The following SIM1 variants were observed in gnomAD, a reference collection of about 807,000 sequenced individuals.
SIM1 encodes single-minded homolog 1.
Under a neutral mutation model 78.2 loss-of-function variants are expected in SIM1, and 18 were observed. The ratio of observed to expected loss-of-function variants is 0.23; its 90% CI spans 0.16 to 0.34. The LOEUF is 0.34. Among genes scored for constraint, SIM1 ranks in the 10% least tolerant of loss-of-function variants. The probability of loss-of-function intolerance (pLI) is 1.00; values close to 1 mark genes in which losing one functional copy is unlikely to be tolerated. For synonymous variants in SIM1, 417 were observed against 385.2 expected, an observed-to-expected ratio of 1.08 and a Z score of -0.97; for missense variants, 939 against 975.1, an observed-to-expected ratio of 0.96 and a Z score of 0.49.
intron 10 of SIM1, among the ~76,000 whole-genome samples, chr6:100,411,221 C>T (rs1327407229): frequency 6.6e-6 from 1 of 152,134 alleles, no homozygotes; most frequent in African/African-American, 2.4e-5. Context: ...CACTCAACTG[C>T]CGATGCAATT....
chr6:100,412,599 GAAAGAAAGA>G (rs1771235160), intron 10 of SIM1, among the ~76,000 whole-genome samples: 5 of 86,490 alleles, frequency 5.8e-5, no homozygotes, highest in Admixed American at 1.3e-4. Flanking sequence ...AAGAAAGAAA[GAAAGAAAGA>G]AAGGAAAGAA....
chr6:100,390,464 C>A lies in SIM1; in HGVS notation c.2198G>T (p.Gly733Val), dbSNP rs769560821. 3.3e-5 allele frequency: 54 copies of A among 1,614,004 alleles called. No individual in the cohort carries two copies. The highest frequency in any genetic ancestry group is 3.3e-4 in the Middle Eastern group (2 of 6,084). The change falls in exon 12 of 12, where the codon GGC becomes GTC. Residue 733 changes from glycine (G) to valine (V), a missense_variant. By Grantham distance (109) the Gly-to-Val change is moderately radical. Coordinates refer to ENST00000369208, the MANE Select transcript of SIM1 (RefSeq NM_005068.3). ...DSETIRNYSL[G>V]CNGSHFDVTS... The stretch of plus-strand genomic sequence containing the variant: ...TACATCAAAGTGTGAGCCATTACAG[C>A]CCAAGGAATAGTTTCTAATGGTTTC...
chr6:100,447,073 G>C (rs557171679), intron 9 of SIM1, among the ~76,000 whole-genome samples, 195 bp downstream of exon 9: 128 of 152,320 alleles, frequency 8.4e-4, no homozygotes, highest in African/African-American at 2.8e-3. Context: ...TCTTTCTCTA[G>C]AATATAACGA....
At chr6:100,411,350 T>C (rs1432687284) in intron 10 of SIM1, among the ~76,000 whole-genome samples, 1 of 152,230 alleles carries the variant, frequency 6.6e-6, no homozygotes, top group African/African-American at 2.4e-5. Flanking sequence ...CTGGAAACCC[T>C]GGAGTATGAG....
intron 10 of SIM1, among the ~76,000 whole-genome samples, chr6:100,416,976 T>C (rs909484917): frequency 7.3e-6 from 1 of 136,632 alleles, no homozygotes; most frequent in African/African-American, 2.5e-5. Flanking sequence ...CTTTACTAGT[T>C]CTCAAAAAAA....
intron 10 of SIM1, among the ~76,000 whole-genome samples, chr6:100,417,753 C>G (rs1562242167): frequency 6.6e-6 from 1 of 152,154 alleles, no homozygotes; most frequent in South Asian, 2.1e-4. Flanking sequence ...CTGTCTATAC[C>G]ACCCAGGATA....
intron 10 of SIM1, among the ~76,000 whole-genome samples, chr6:100,415,627 T>TGC (rs1771378236): frequency 3.9e-5 from 6 of 152,252 alleles, no homozygotes; most frequent in African/African-American, 1.4e-4. Flanking sequence ...CCTAAGGGTA[T>TGC]CTCATAGCAG....
rs184612627 is a variant in SIM1 at position 100,412,541 on chromosome 6, A to G, written c.1167+8249T>C. Among the ~76,000 whole-genome samples the G allele has an allele frequency of 5.8e-3, 486 of 84,266 alleles. 9 individuals carry two copies. Among genetic ancestry groups the G allele is most frequent in the African/African-American group, 0.021 (467 of 22,678 alleles). The allele number at this position is 84,266 out of a possible 152,430, so 55.3% of individuals were successfully genotyped here. A position where few individuals can be genotyped will look rare whatever the true frequency, so the allele number is the denominator to read the frequency against. On this transcript the variant is annotated intron_variant, in intron 10 of 11. Transcript: ENST00000369208. Reference sequence around the variant, plus strand: ...GACAGAGCAAGACTCTGTCTAAGAAAGAAAGAAAGAAAGAAAAGAAAGAAA... The same window carrying G: ...GACAGAGCAAGACTCTGTCTAAGAAGGAAAGAAAGAAAGAAAAGAAAGAAA...
intron 10 of SIM1, among the ~76,000 whole-genome samples, chr6:100,407,291 G>C (rs941688148): frequency 6.6e-6 from 1 of 152,110 alleles, no homozygotes; most frequent in African/African-American, 2.4e-5. Flanking sequence ...GCAAATGGCA[G>C]AATTTCCTTC....
intron 9 of SIM1, among the ~76,000 whole-genome samples, chr6:100,436,472 C>T (rs982653842): frequency 6.6e-6 from 1 of 152,184 alleles, no homozygotes; most frequent in Non-Finnish European, 1.5e-5. Flanking sequence ...CTCATGCTTT[C>T]CCTCCATTGG....
At chr6:100,428,762 A>G (rs534493133) in intron 9 of SIM1, among the ~76,000 whole-genome samples, 4 of 152,146 alleles carry the variant, frequency 2.6e-5, no homozygotes, top group Non-Finnish European at 5.9e-5. Context: ...AAATGTATGT[A>G]TAGGAAAACA....
chr6:100,462,962 A>G (rs572872830), intron 2 of SIM1: 18 of 218,000 alleles, frequency 8.3e-5, no homozygotes, highest in African/African-American at 2.0e-4. Context: ...TAACAAGAGG[A>G]GTAAAAAAGA....
chr6:100,387,132 G>A lies in SIM1; in HGVS notation c.*3229C>T, dbSNP rs537010812. On this transcript the variant is annotated 3_prime_UTR_variant, in exon 12 of 12. Transcript: ENST00000369208. ...AGAAACCAGAATTCTACAAAACCAT[G>A]AGCTATGTATCATCTAATGAATTGA... 3 of 152,068 alleles carry A rather than the reference G, an allele frequency of 2.0e-5. No homozygotes were observed. In the East Asian group the frequency reaches 5.8e-4, roughly 29 times the overall value. 9.4% of individuals were successfully genotyped at this position (152,068 alleles called of 1,614,324 possible). A position where few individuals can be genotyped will look rare whatever the true frequency, so the allele number is the denominator to read the frequency against.
intron 9 of SIM1, among the ~76,000 whole-genome samples, chr6:100,438,756 T>C (rs948324410): frequency 6.6e-6 from 1 of 152,222 alleles, no homozygotes; most frequent in African/African-American, 2.4e-5. Context: ...GTGGTATATA[T>C]ATACTGTGGA....
intron 2 of SIM1, among the ~76,000 whole-genome samples, chr6:100,457,205 C>T (rs1562259070): frequency 6.6e-6 from 1 of 152,222 alleles, no homozygotes; most frequent in African/African-American, 2.4e-5. Context: ...AGCGTGTGTT[C>T]TGTTCTTTTA....
In SIM1 at chr6:100,386,031, A is replaced by G. The variant is rs778595379; in HGVS notation, c.*4330T>C. ...ATCCACAATTAGTTCCACAGTAAGA[A>G]CTAGTTCAGTAGATTTTTCTGTCTT... On this transcript the variant is annotated 3_prime_UTR_variant, in exon 12 of 12. Transcript: ENST00000369208. 1 of 152,064 alleles carries G rather than the reference A, an allele frequency of 6.6e-6. No homozygotes were observed. The highest frequency in any genetic ancestry group is 2.4e-5 in the African/African-American group (1 of 41,422). The allele number at this position is 152,064 out of a possible 1,614,324, so 9.4% of individuals were successfully genotyped here.
chr6:100,394,105 T>C lies in SIM1; in HGVS notation c.1168-216A>G, dbSNP rs1053868870. The C allele has an allele frequency of 8.5e-6, 4 of 469,274 alleles. No homozygotes were observed. In the Admixed American group the frequency reaches 1.2e-4, roughly 14 times the overall value. 29.1% of individuals were successfully genotyped at this position (469,274 alleles called of 1,614,324 possible). A position where few individuals can be genotyped will look rare whatever the true frequency, so the allele number is the denominator to read the frequency against. On this transcript the variant is annotated intron_variant, in intron 10 of 11. Transcript: ENST00000369208. Reference sequence around the variant, plus strand: ...ATGATGCTTCCAAAGAAAATCCTTTTGGTTGATGAAAGCAGGAGATAAAGA... The same window carrying C: ...ATGATGCTTCCAAAGAAAATCCTTTCGGTTGATGAAAGCAGGAGATAAAGA...
At chr6:100,415,789 C>G (rs567416845) in intron 10 of SIM1, among the ~76,000 whole-genome samples, 1 of 152,106 alleles carries the variant, frequency 6.6e-6, no homozygotes, top group Non-Finnish European at 1.5e-5. Context: ...AAATCACTTT[C>G]CTTCTAACTA....
Position 100,390,794 on chromosome 6 carries a change from G to C in SIM1, c.1868C>G (p.Ala623Gly), listed in dbSNP as rs772772864. The change falls in exon 12 of 12, where the codon GCT (alanine) becomes GGT (glycine). Residue 623 changes from alanine to glycine, a missense_variant. This residue lies in a region of SIM1 where 556 missense variants were observed against 521.9 expected (regional missense o/e 1.07). Transcript: ENST00000369208. ...GTCACATGGTGAAGTGTTGGCAAGA[G>C]CAGAGCCATGGCAGACTTCACCTGT... The part of the protein sequence containing the change: ...PPTGEVCHGS[A>G]LANTSPCDHI... 2.5e-6 allele frequency: 4 copies of C among 1,614,196 alleles called. No individual in the cohort carries two copies. The highest frequency in any genetic ancestry group is 3.4e-6 in the Non-Finnish European group (4 of 1,180,022).
Sources: gnomAD v4.1 joint callset for allele counts (sites outside exome capture counted in the v4.1 genomes callset) on GRCh38, gnomAD v4.1.1 for gene constraint, gnomAD v4.1.1 regional missense constraint, MANE v1.5 for transcripts, NCBI Gene and HGNC (gene_info 2026-07-23, HGNC 2026-07-21) for gene names.